The following WWP2 variants were observed in gnomAD, a reference collection of about 807,000 sequenced individuals.
WWP2 encodes WW domain containing E3 ubiquitin protein ligase 2.
In WWP2, 57 loss-of-function variants were observed where a neutral mutation model predicts 121.0. The observed-to-expected ratio is 0.47, with a 90% CI of 0.38 to 0.59. The LOEUF is 0.59. Among genes scored for constraint, WWP2 ranks in the 20% least tolerant of loss-of-function variants. The pLI is 0.00. For missense variants in WWP2, 962 were observed against 1,158.9 expected (o/e 0.83, Z 2.47); for synonymous variants, 449 against 441.3 (o/e 1.02, Z -0.22).
chr16:69,836,496 G>A (rs2056878920), intron 4 of WWP2, among the ~76,000 whole-genome samples: 1 of 152,094 alleles, frequency 6.6e-6, no homozygotes, highest in Non-Finnish European at 1.5e-5. Context: ...AGATCACTTG[G>A]TTATCATGGT....
At chr16:69,936,960 G>T in intron 19 of WWP2, 158 bp from the exon 20 acceptor site, 1 of 985,098 alleles carries the variant, frequency 1.0e-6, no homozygotes, top group Non-Finnish European at 1.4e-6. Context: ...GAGGTTTTCA[G>T]GGCCTCACTC....
intron 10 of WWP2, among the ~76,000 whole-genome samples, chr16:69,920,000 G>C (rs1215418461): frequency 1.3e-5 from 2 of 151,770 alleles, no homozygotes; most frequent in Non-Finnish European, 2.9e-5. Flanking sequence ...TTGCCATGTT[G>C]CCCAGGCTGG....
chr16:69,900,021 T>A (rs2058177885), intron 8 of WWP2, among the ~76,000 whole-genome samples: 1 of 152,190 alleles, frequency 6.6e-6, no homozygotes. Flanking sequence ...TAACATGATT[T>A]ATTTGATTAA....
intron 7 of WWP2, among the ~76,000 whole-genome samples, chr16:69,886,742 G>A (rs897677237): frequency 1.3e-5 from 2 of 152,062 alleles, no homozygotes; most frequent in East Asian, 1.9e-4. Context: ...CTTGGGTGAC[G>A]GAGCGAGACT....
At chr16:69,828,176 G>A (rs1319256033) in intron 4 of WWP2, among the ~76,000 whole-genome samples, 3 of 151,940 alleles carry the variant, frequency 2.0e-5, no homozygotes, top group Admixed American at 6.6e-5. Flanking sequence ...TGGTGAGTCC[G>A]TTATGTACTG....
chr16:69,912,401 A>G (rs1461081032), intron 9 of WWP2, among the ~76,000 whole-genome samples: 2 of 150,652 alleles, frequency 1.3e-5, no homozygotes, highest in African/African-American at 4.9e-5. Context: ...ACACACACAC[A>G]CACACACACA....
At position 69,939,404 on chromosome 16, in the gene WWP2, G is replaced by A; in HGVS notation, c.2504G>A (p.Ser835Asn). The change falls in exon 23 of 24, where the codon AGC (serine) becomes AAC (asparagine). Residue 835 changes from serine (S) to asparagine (N), a missense_variant. Transcript: ENST00000359154. ...KVGKETWLPR[S>N]HTCFNRLDLP... ...GGCAAGGAAACCTGGCTGCCCAGAA[G>A]CCACACCTGGTGAGCCTGCTGGTTT... 1 of 1,614,156 alleles carries A rather than the reference G, an allele frequency of 6.2e-7. No individual in the cohort carries two copies. Among genetic ancestry groups the A allele is most frequent in the Non-Finnish European group, 8.5e-7 (1 of 1,180,024 alleles).
chr16:69,806,348 T>C (rs550274070), intron 4 of WWP2, among the ~76,000 whole-genome samples: 5 of 152,352 alleles, frequency 3.3e-5, no homozygotes, highest in Middle Eastern at 3.4e-3. Flanking sequence ...GGGTTTTCCA[T>C]CTATATTCGT....
chr16:69,824,931 T>C (rs867070365), intron 4 of WWP2, among the ~76,000 whole-genome samples: 3 of 152,012 alleles, frequency 2.0e-5, no homozygotes, highest in Non-Finnish European at 4.4e-5. Context: ...CAACCATGCC[T>C]GACTAATTTT....
chr16:69,865,143 A>G (rs1438155834), intron 6 of WWP2, among the ~76,000 whole-genome samples: 3 of 151,352 alleles, frequency 2.0e-5, no homozygotes, highest in Non-Finnish European at 4.4e-5. Context: ...TCCACCTCCC[A>G]AGCTCAAGCC....
At chr16:69,936,056 A>G (rs1049668443) in intron 18 of WWP2, 70 bp downstream of exon 18, 12 of 1,579,102 alleles carry the variant, frequency 7.6e-6, no homozygotes, top group East Asian at 6.7e-5. Flanking sequence ...GCAGGTACTG[A>G]TGGCCTTTAT....
chr16:69,827,636 T>C (rs568694632), intron 4 of WWP2, among the ~76,000 whole-genome samples: 1 of 152,362 alleles, frequency 6.6e-6, no homozygotes, highest in Non-Finnish European at 1.5e-5. Flanking sequence ...AGGTTTGTTC[T>C]TTGGAAGGTG....
At chr16:69,809,255 G>A (rs529652086) in intron 4 of WWP2, among the ~76,000 whole-genome samples, 2 of 152,270 alleles carry the variant, frequency 1.3e-5, no homozygotes, top group South Asian at 4.2e-4. Flanking sequence ...AATGGCGTAC[G>A]TAGCCTATGT....
At position 69,901,995 on chromosome 16, in the gene WWP2, C is replaced by T. The variant is rs140731064; in HGVS notation, c.915-6766C>T. The stretch of plus-strand genomic sequence containing the variant: ...ATAGAGAATTTATCTAAAATTCACT[C>T]GAACTCTTTGCCCAGCTTTAATCCC... On this transcript the variant is annotated intron_variant, in intron 8 of 23. Coordinates refer to ENST00000359154, the MANE Select transcript of WWP2 (RefSeq NM_001270454.2). Among the ~76,000 whole-genome samples the T allele has an allele frequency of 6.6e-5, 10 of 152,278 alleles. No individual in the cohort carries two copies. The East Asian group carries it at 1.2e-3, about 18-fold the overall frequency.
At chr16:69,789,275 G>T (rs989609469) in intron 2 of WWP2, among the ~76,000 whole-genome samples, 1 of 152,022 alleles carries the variant, frequency 6.6e-6, no homozygotes, top group African/African-American at 2.4e-5. Flanking sequence ...TGTTGCTCAG[G>T]CTGGAGTGCA....
intron 1 of WWP2, among the ~76,000 whole-genome samples, chr16:69,763,692 T>C (rs1194331937): frequency 6.6e-6 from 1 of 152,220 alleles, no homozygotes; most frequent in Non-Finnish European, 1.5e-5. Flanking sequence ...TTATTGCTCT[T>C]TCTTGTTTGC....
intron 13 of WWP2, among the ~76,000 whole-genome samples, chr16:69,930,949 TTA>T (rs1484337002): frequency 6.6e-6 from 1 of 152,088 alleles, no homozygotes; most frequent in African/African-American, 2.4e-5. Context: ...GACACTAGAG[TTA>T]TTTCTCTAAA....
chr16:69,933,008 A>G, intron 16 of WWP2: 1 of 474,230 alleles, frequency 2.1e-6, no homozygotes, highest in Admixed American at 2.3e-5. Flanking sequence ...CCGTGGATGG[A>G]TGTTCCTTTT....
intron 4 of WWP2, among the ~76,000 whole-genome samples, chr16:69,814,950 A>C (rs1413016091): frequency 6.6e-6 from 1 of 152,154 alleles, no homozygotes; most frequent in East Asian, 1.9e-4. Context: ...CTTCAGTTAA[A>C]AACAACTTTA....
Sources: gnomAD v4.1 joint callset for allele counts (sites outside exome capture counted in the v4.1 genomes callset) on GRCh38, gnomAD v4.1.1 for gene constraint, MANE v1.5 for transcripts, NCBI Gene and HGNC (gene_info 2026-07-23, HGNC 2026-07-21) for gene names.